The following MAF variants were observed in gnomAD, a reference collection of about 807,000 sequenced individuals.
The protein encoded by MAF is transcription factor Maf.
In MAF, 10 loss-of-function variants were observed where a neutral mutation model predicts 22.0. That is an observed-to-expected ratio of 0.45 (90% confidence interval 0.28 to 0.77). The LOEUF (loss-of-function observed/expected upper bound fraction) is 0.77. MAF is among the 30% of genes least tolerant of loss of function. The pLI is 0.12. For synonymous variants in MAF, 337 were observed against 255.8 expected (o/e 1.32, Z -3.03); for missense variants, 544 against 548.4 (o/e 0.99, Z 0.08).
At chr16:79,368,204 G>A in the MAF span, among the ~76,000 whole-genome samples, 1 of 152,138 alleles carries the variant, frequency 6.6e-6, no homozygotes, top group Non-Finnish European at 1.5e-5. Context: ...ATCGCGTCTG[G>A]GAGCTGATGC....
At chr16:79,438,914 G>A in the MAF span, among the ~76,000 whole-genome samples, 35 of 152,310 alleles carry the variant, frequency 2.3e-4, no homozygotes, top group Admixed American at 1.3e-4. Flanking sequence ...GAGGTAGGTA[G>A]AATTAATTAT....
chr16:79,592,448 A>G (rs1365749887), downstream of MAF, among the ~76,000 whole-genome samples: 3 of 152,252 alleles, frequency 2.0e-5, no homozygotes, highest in Non-Finnish European at 2.9e-5. Context: ...TGAATTTTGA[A>G]GATTTACATC....
At chr16:79,256,023 C>T in the MAF span, among the ~76,000 whole-genome samples, 6 of 134,182 alleles carry the variant, frequency 4.5e-5, no homozygotes, top group Non-Finnish European at 7.7e-5. Context: ...TGCTGTATTG[C>T]CAGGCTGGAG....
chr16:79,223,887 A>G, the MAF span, among the ~76,000 whole-genome samples: 1 of 152,194 alleles, frequency 6.6e-6, no homozygotes, highest in African/African-American at 2.4e-5. Context: ...CACCCAAAAT[A>G]AGTCCAGGAC....
At chr16:79,221,613 A>G in the MAF span, among the ~76,000 whole-genome samples, 2 of 152,354 alleles carry the variant, frequency 1.3e-5, no homozygotes, top group East Asian at 3.9e-4. Context: ...TTCAAATTCT[A>G]GCAGTTAATC....
At chr16:79,368,109 G>A in the MAF span, among the ~76,000 whole-genome samples, 1 of 152,198 alleles carries the variant, frequency 6.6e-6, no homozygotes. Flanking sequence ...TCTCCAGAGA[G>A]GCAGGAAGAG....
chr16:79,472,738 A>C, the MAF span, among the ~76,000 whole-genome samples: 2 of 152,150 alleles, frequency 1.3e-5, no homozygotes, highest in Non-Finnish European at 2.9e-5. Context: ...AAGCCCATTA[A>C]ATGTCACACT....
chr16:79,449,630 T>C, the MAF span, among the ~76,000 whole-genome samples: 10 of 152,160 alleles, frequency 6.6e-5, no homozygotes, highest in Non-Finnish European at 1.3e-4. Context: ...AGAGGCAGGG[T>C]CAGGAAGATG....
the MAF span, among the ~76,000 whole-genome samples, chr16:79,372,561 G>A: frequency 2.6e-5 from 4 of 152,272 alleles, no homozygotes; most frequent in African/African-American, 9.6e-5. Flanking sequence ...TAGGAGAGAC[G>A]CTGTAATGTC....
chr16:79,412,843 A>T, the MAF span, among the ~76,000 whole-genome samples: 1 of 152,338 alleles, frequency 6.6e-6, no homozygotes, highest in Non-Finnish European at 1.5e-5. Context: ...ACTAGAGATA[A>T]TATGGGAGGA....
the MAF span, among the ~76,000 whole-genome samples, chr16:79,461,852 G>A: frequency 6.6e-6 from 1 of 152,050 alleles, no homozygotes; most frequent in Non-Finnish European, 1.5e-5. Context: ...TCATGAACTG[G>A]GTGACCTATG....
chr16:79,333,014 C>T, the MAF span, among the ~76,000 whole-genome samples: 2 of 152,234 alleles, frequency 1.3e-5, 1 homozygote. Flanking sequence ...GACTGGCGCA[C>T]AGCAGGTGCT....
the MAF span, among the ~76,000 whole-genome samples, chr16:79,221,699 G>A: frequency 1.3e-5 from 2 of 152,006 alleles, no homozygotes; most frequent in Non-Finnish European, 1.5e-5. Context: ...ATGTGCATGA[G>A]TGTATGTGAT....
the MAF span, among the ~76,000 whole-genome samples, chr16:79,475,255 C>T: frequency 6.6e-6 from 1 of 151,352 alleles, no homozygotes; most frequent in Non-Finnish European, 1.5e-5. Flanking sequence ...CTAGAATTAG[C>T]TTTAAAATAA....
the MAF span, among the ~76,000 whole-genome samples, chr16:79,388,088 G>A: frequency 5.9e-5 from 9 of 152,138 alleles, no homozygotes; most frequent in South Asian, 6.2e-4. Flanking sequence ...AGTTCACAGC[G>A]TCCACTCTCC....
At chr16:79,355,207 T>A in the MAF span, among the ~76,000 whole-genome samples, 11 of 152,236 alleles carry the variant, frequency 7.2e-5, no homozygotes, top group African/African-American at 2.7e-4. Context: ...CTCCCCAGTG[T>A]TTCACAACTT....
the MAF span, among the ~76,000 whole-genome samples, chr16:79,238,956 C>T: frequency 6.6e-6 from 1 of 151,874 alleles, no homozygotes; most frequent in Non-Finnish European, 1.5e-5. Context: ...GTGAGGACTC[C>T]AGGGAGACGC....
chr16:79,520,851 T>G, the MAF span, among the ~76,000 whole-genome samples: 1 of 152,144 alleles, frequency 6.6e-6, no homozygotes, highest in Non-Finnish European at 1.5e-5. Context: ...AAGGGAAGGG[T>G]ATTCACCATG....
Position 79,597,554 on chromosome 16 carries a change from C to T in MAF, c.1118+1231G>A, listed in dbSNP as rs904110365. ...GTGTAACCCATTCTGGTATCTTTGA[C>T]AAGGAATGCCTTCAGTGCATTGGGA... is the stretch of plus-strand genomic sequence containing the variant. On this transcript the variant is annotated intron_variant, in intron 1 of 1. Transcript: ENST00000326043. 12 of 1,022,798 alleles carry T rather than the reference C, an allele frequency of 1.2e-5. No individual in the cohort carries two copies. The African/African-American group carries it at 1.5e-4, about 13-fold the overall frequency. 63.4% of individuals were successfully genotyped at this position (1,022,798 alleles called of 1,614,324 possible).
Sources: allele counts gnomAD v4.1 joint callset (sites outside exome capture counted in the v4.1 genomes callset), GRCh38; gene constraint gnomAD v4.1.1; transcripts MANE v1.5; gene names NCBI Gene and HGNC (gene_info 2026-07-23, HGNC 2026-07-21).